USP12: variants seen among roughly 807,000 people sequenced by gnomAD.
USP12 encodes the protein ubiquitin carboxyl-terminal hydrolase 12.
USP12 carries 19 observed loss-of-function variants against 45.5 expected under a neutral mutation model. The ratio of observed to expected loss-of-function variants is 0.42; its 90% CI spans 0.29 to 0.61. The LOEUF (loss-of-function observed/expected upper bound fraction) is 0.61, where lower values mean the gene tolerates loss of function less well. Ranked by LOEUF, USP12 falls within the 20% of genes least tolerant of loss-of-function variation. The probability of loss-of-function intolerance (pLI) is 0.22; values close to 1 mark genes in which losing one functional copy is unlikely to be tolerated. For synonymous variants in USP12, 149 were observed against 148.8 expected, an observed-to-expected ratio of 1.00 and a Z score of -0.01; for missense variants, 242 against 447.7, an observed-to-expected ratio of 0.54 and a Z score of 4.15.
intron 1 of USP12, among the ~76,000 whole-genome samples, chr13:27,146,152 A>C (rs1433296145): frequency 6.6e-6 from 1 of 152,216 alleles, no homozygotes; most frequent in African/African-American, 2.4e-5. Flanking sequence ...CTGTAATCCC[A>C]GCACTTTGGG....
chr13:27,089,806 T>C (rs963629356), intron 6 of USP12, 77 bp downstream of exon 6: 10 of 1,424,758 alleles, frequency 7.0e-6, no homozygotes, highest in Admixed American at 2.1e-5. Flanking sequence ...TTTTCCTAGA[T>C]TGTTTTTCTA....
chr13:27,102,295 G>C (rs1363278288), intron 3 of USP12, among the ~76,000 whole-genome samples: 1 of 152,138 alleles, frequency 6.6e-6, no homozygotes, highest in African/African-American at 2.4e-5. Context: ...CCCACAGGCA[G>C]TACCTGTAAA....
At chr13:27,130,956 A>G (rs1446237821) in intron 1 of USP12, among the ~76,000 whole-genome samples, 1 of 152,244 alleles carries the variant, frequency 6.6e-6, no homozygotes, top group Non-Finnish European at 1.5e-5. Context: ...GGTGTCAGAA[A>G]AATTCTGGAT....
chr13:27,137,294 T>C (rs1876847891), intron 1 of USP12, among the ~76,000 whole-genome samples: 1 of 152,232 alleles, frequency 6.6e-6, no homozygotes, highest in African/African-American at 2.4e-5. Flanking sequence ...TGTTTAGAGA[T>C]AGGTCATGAT....
chr13:27,133,248 A>C (rs1876597255), intron 1 of USP12, among the ~76,000 whole-genome samples: 1 of 152,202 alleles, frequency 6.6e-6, no homozygotes, highest in African/African-American at 2.4e-5. Flanking sequence ...CACTCACATG[A>C]CATCTTTCTG....
chr13:27,139,518 A>T (rs1876957884), intron 1 of USP12, among the ~76,000 whole-genome samples: 1 of 152,228 alleles, frequency 6.6e-6, no homozygotes, highest in African/African-American at 2.4e-5. Context: ...CAGGAGGCTA[A>T]GGCAGGAGAA....
At chr13:27,083,373 A>G (rs1327079173) in intron 6 of USP12, among the ~76,000 whole-genome samples, 1 of 152,188 alleles carries the variant, frequency 6.6e-6, no homozygotes, top group African/African-American at 2.4e-5. Context: ...TGTAAAAACC[A>G]CAGGGTCTGC....
At chr13:27,104,107 T>C (rs559001968) in intron 3 of USP12, among the ~76,000 whole-genome samples, 2 of 152,256 alleles carry the variant, frequency 1.3e-5, no homozygotes, top group South Asian at 4.1e-4. Flanking sequence ...CAGGGCTCAC[T>C]GCAGCTTCAA....
chr13:27,108,278 C>G (rs1243769468), intron 2 of USP12, among the ~76,000 whole-genome samples: 2 of 150,760 alleles, frequency 1.3e-5, no homozygotes, highest in Non-Finnish European at 1.5e-5. Context: ...GAAACTATCG[C>G]AAGGACAAAA....
intron 1 of USP12, among the ~76,000 whole-genome samples, chr13:27,119,957 A>AG (rs1226668300): frequency 6.6e-6 from 1 of 152,270 alleles, no homozygotes; most frequent in African/African-American, 2.4e-5. Flanking sequence ...AGAAATGATC[A>AG]GGGTACACTC....
intron 1 of USP12, among the ~76,000 whole-genome samples, chr13:27,161,299 A>T (rs1293444737): frequency 6.6e-6 from 1 of 152,234 alleles, no homozygotes; most frequent in Non-Finnish European, 1.5e-5. Flanking sequence ...ATAATCACAT[A>T]CAAAGCAGAA....
chr13:27,074,025 A>G (rs1448735197), intron 7 of USP12, among the ~76,000 whole-genome samples: 1 of 152,192 alleles, frequency 6.6e-6, no homozygotes, highest in African/African-American at 2.4e-5. Flanking sequence ...AGGATAAAAG[A>G]CGGGACCCAA....
chr13:27,162,285 TCA>T (rs1271001706), intron 1 of USP12, among the ~76,000 whole-genome samples: 2 of 152,042 alleles, frequency 1.3e-5, no homozygotes, highest in African/African-American at 4.8e-5. Flanking sequence ...GGACTCAAAG[TCA>T]CACACACACA....
intron 1 of USP12, among the ~76,000 whole-genome samples, chr13:27,120,112 A>G (rs768431935): frequency 3.9e-5 from 6 of 152,254 alleles, no homozygotes; most frequent in Non-Finnish European, 5.9e-5. Context: ...TCAAAATTTT[A>G]CTGTATGATT....
At chr13:27,078,159 AG>A (rs1385269105) in intron 6 of USP12, among the ~76,000 whole-genome samples, 2 of 152,094 alleles carry the variant, frequency 1.3e-5, no homozygotes, top group African/African-American at 4.8e-5. Context: ...CCATATTGGG[AG>A]TTCCACATCC....
chr13:27,104,133 C>T (rs929150978), intron 3 of USP12, among the ~76,000 whole-genome samples: 5 of 152,072 alleles, frequency 3.3e-5, no homozygotes, highest in African/African-American at 4.8e-5. Flanking sequence ...TGGGCTCAAG[C>T]GATCCTGCCA....
At chr13:27,107,774 A>G (rs1284128403) in intron 2 of USP12, among the ~76,000 whole-genome samples, 2 of 152,216 alleles carry the variant, frequency 1.3e-5, no homozygotes, top group Non-Finnish European at 2.9e-5. Context: ...CAAAAGACAC[A>G]TGAAAAAATG....
Position 27,068,029 on chromosome 13 carries a change from AGGACTTGTCTTTTGTATTCCC to A in USP12, c.*1233_*1253del, listed in dbSNP as rs1364281141. On this transcript the variant is annotated 3_prime_UTR_variant, in exon 9 of 9. Coordinates refer to ENST00000282344, the MANE Select transcript of USP12 (RefSeq NM_182488.4). ...TGTAAAGGTGGGGGGAAGGGAAGGA[AGGACTTGTCTTTTGTATTCCC>A]GGTCTACTTGATTAAAATTTAATCT... 1 of 152,204 alleles carries A rather than the reference AGGACTTGTCTTTTGTATTCCC, an allele frequency of 6.6e-6. No homozygotes were observed. The highest frequency in any genetic ancestry group is 2.4e-5 in the African/African-American group (1 of 41,464). The allele number at this position is 152,204 out of a possible 1,614,324, so 9.4% of individuals were successfully genotyped here. A position where few individuals can be genotyped will look rare whatever the true frequency, so the allele number is the denominator to read the frequency against.
intron 3 of USP12, among the ~76,000 whole-genome samples, chr13:27,103,717 G>A (rs1328371340): frequency 6.8e-6 from 1 of 146,680 alleles, no homozygotes; most frequent in African/African-American, 2.5e-5. Context: ...AGACTAGTCT[G>A]GGCAACATAA....
Sources: allele counts gnomAD v4.1 joint callset (sites outside exome capture counted in the v4.1 genomes callset), GRCh38; gene constraint gnomAD v4.1.1; transcripts MANE v1.5; gene names NCBI Gene and HGNC (gene_info 2026-07-23, HGNC 2026-07-21).